Variants in STS observed in about 807,000 individuals in gnomAD.
STS encodes the protein steryl-sulfatase.
In STS, 7 loss-of-function variants were observed where a neutral mutation model predicts 26.8. That is an observed-to-expected ratio of 0.26 (90% CI 0.15 to 0.49). STS has a LOEUF of 0.49. Among genes scored for constraint, STS ranks in the 20% least tolerant of loss-of-function variants. The pLI is 0.98. For synonymous variants in STS, 199 were observed against 189.4 expected (o/e 1.05, Z -0.42); for missense variants, 434 against 465.6 (o/e 0.93, Z 0.63).
chrX:7,262,849 T>C (rs1923813091), intron 6 of STS, among the ~76,000 whole-genome samples: 1 of 111,875 alleles, frequency 8.9e-6, no homozygotes, highest in Non-Finnish European at 1.9e-5. Flanking sequence ...ACACCAGCCT[T>C]GGAATTTTAA....
chrX:7,215,110 CAT>C (rs201908881), intron 2 of STS, among the ~76,000 whole-genome samples: 76 of 79,187 alleles, frequency 9.6e-4, no homozygotes, highest in South Asian at 9.0e-3. Context: ...TATATATACA[CAT>C]ATATACACAC....
intron 7 of STS, among the ~76,000 whole-genome samples, chrX:7,299,156 A>G (rs1342094223): frequency 1.0e-5 from 1 of 96,014 alleles, no homozygotes; most frequent in African/African-American, 3.8e-5. Flanking sequence ...TATAAATTGT[A>G]TAATTAAAAT....
chrX:7,301,658 C>G (rs1322803481), intron 7 of STS, among the ~76,000 whole-genome samples: 1 of 111,314 alleles, frequency 9.0e-6, no homozygotes, highest in African/African-American at 3.3e-5. Context: ...TCCACAATTA[C>G]AGGATCATAC....
At chrX:7,148,105 C>G in intron 1 of STS, 22 bp downstream of exon 1, 1 of 1,130,739 alleles carries the variant, frequency 8.8e-7, no homozygotes, top group Middle Eastern at 2.4e-4. Context: ...GCTGCGGGGG[C>G]GCCGCCATGG....
rs1254714783 is a variant in STS, at chrX:7,276,004, C to T, written c.860C>T (p.Ala287Val). The stretch of plus-strand genomic sequence containing the variant: ...TTGTCCTACCTCCACGTGCACACAG[C>T]CCTGTTCTCCAGCAAAGACTTTGCT... ...LVLSYLHVHT[A>V]LFSSKDFAGK... The change falls in exon 7 of 11, where the codon GCC (alanine) becomes GTC (valine). Residue 287 changes from alanine (A) to valine (V), a missense_variant. Physicochemically the swap from Ala to Val is moderately conservative, Grantham distance 64. This residue lies in a region of STS where 229 missense variants were observed against 288.3 expected (regional missense o/e 0.79). Coordinates refer to ENST00000674429, the MANE Select transcript of STS (RefSeq NM_001320752.2). The T allele has an allele frequency of 8.3e-7, 1 of 1,204,843 alleles. No homozygotes were observed. The highest frequency in any genetic ancestry group is 2.2e-5 in the Admixed American group (1 of 45,289).
chrX:7,178,937 C>A (rs1212138239), intron 1 of STS, among the ~76,000 whole-genome samples: 1 of 107,997 alleles, frequency 9.3e-6, no homozygotes, highest in African/African-American at 3.4e-5. Flanking sequence ...TTTCTCTAGT[C>A]CTCATGAAAG....
At chrX:7,180,360 A>G (rs1250003653) in intron 1 of STS, among the ~76,000 whole-genome samples, 2 of 111,841 alleles carry the variant, frequency 1.8e-5, no homozygotes, top group Non-Finnish European at 3.8e-5. Context: ...ACAGTTCAAA[A>G]TAGGGTTCAC....
rs1160077120 is a variant in STS at position 7,190,990 on chromosome X, G to A, written c.-23G>A. 2.7e-6 allele frequency: 2 copies of A among 751,480 alleles called. No homozygotes were observed. Among genetic ancestry groups the A allele is most frequent in the African/African-American group, 4.7e-5 (2 of 42,881 alleles). 61.9% of individuals were successfully genotyped at this position (751,480 alleles called of 1,213,427 possible). On this transcript the variant is annotated 5_prime_UTR_variant, in exon 2 of 11. Transcript: ENST00000674429. ...TTCCTGAGGACAATGGCGCAAGATC[G>A]TCTTCAGCTGTTCATAGCGTAAGTA...
At chrX:7,324,876 C>G (rs1218092596) in intron 8 of STS, among the ~76,000 whole-genome samples, 2 of 111,680 alleles carry the variant, frequency 1.8e-5, no homozygotes, top group African/African-American at 6.5e-5. Flanking sequence ...ATCTCAAAAT[C>G]CTTAGTCACA....
intron 8 of STS, among the ~76,000 whole-genome samples, chrX:7,322,125 T>C (rs769998907): frequency 6.8e-4 from 77 of 112,541 alleles, no homozygotes; most frequent in Non-Finnish European, 9.0e-4. Flanking sequence ...AATGGCTGGA[T>C]GGTTGATGCT....
chrX:7,153,136 C>T (rs1464175477), intron 1 of STS, among the ~76,000 whole-genome samples: 1 of 111,764 alleles, frequency 8.9e-6, no homozygotes, highest in Admixed American at 9.4e-5. Flanking sequence ...GCTCAGGCTT[C>T]ATCACACCCC....
intron 1 of STS, among the ~76,000 whole-genome samples, chrX:7,169,199 A>G (rs1370902307): frequency 2.7e-5 from 3 of 110,823 alleles, no homozygotes; most frequent in Non-Finnish European, 5.7e-5. Flanking sequence ...GAATTTGCCT[A>G]TTTTAGACAT....
chrX:7,232,458 T>A (rs1000889215), intron 2 of STS, among the ~76,000 whole-genome samples: 1 of 111,896 alleles, frequency 8.9e-6, no homozygotes, highest in Non-Finnish European at 1.9e-5. Flanking sequence ...CTGTTGCAAT[T>A]TGGGTATTCT....
chrX:7,348,915 C>T (rs1601768575), intron 10 of STS, among the ~76,000 whole-genome samples: 1 of 111,631 alleles, frequency 9.0e-6, no homozygotes, highest in East Asian at 2.8e-4. Context: ...GTAATCCCTC[C>T]TCACCATCAC....
At chrX:7,336,579 T>C (rs977884400) in intron 10 of STS, among the ~76,000 whole-genome samples, 90 of 112,028 alleles carry the variant, frequency 8.0e-4, no homozygotes, top group African/African-American at 2.8e-3. Flanking sequence ...AGCATTTTAT[T>C]CACATATCTC....
chrX:7,350,342 A>G lies in STS; in HGVS notation c.*81A>G. On this transcript the variant is annotated 3_prime_UTR_variant, in exon 11 of 11. Transcript: ENST00000674429. The stretch of plus-strand genomic sequence containing the variant: ...ACACGCCTGAGAGTGGCACTGGGGA[A>G]ACATAACTCCATCTACACCTTGGAT... 1 of 1,114,754 alleles carries G rather than the reference A, an allele frequency of 9.0e-7. No homozygotes were observed. The highest frequency in any genetic ancestry group is 1.2e-6 in the Non-Finnish European group (1 of 834,273). The allele number at this position is 1,114,754 out of a possible 1,213,427, so 91.9% of individuals were successfully genotyped here. A position where few individuals can be genotyped will look rare whatever the true frequency, so the allele number is the denominator to read the frequency against.
intron 7 of STS, among the ~76,000 whole-genome samples, chrX:7,276,700 G>C (rs1924555561): frequency 8.9e-6 from 1 of 111,976 alleles, no homozygotes; most frequent in African/African-American, 3.2e-5. Context: ...CCTGCAGCTG[G>C]CTACAGCCTT....
intron 8 of STS, among the ~76,000 whole-genome samples, chrX:7,310,572 C>T (rs1286148915): frequency 9.0e-6 from 1 of 111,709 alleles, no homozygotes. Context: ...CCACCCCTAG[C>T]TTCACTTTTC....
chrX:7,289,614 A>T (rs1056056160), intron 7 of STS, among the ~76,000 whole-genome samples: 2 of 111,471 alleles, frequency 1.8e-5, no homozygotes, highest in Non-Finnish European at 3.8e-5. Flanking sequence ...GTGTACAGCC[A>T]TGTCCCCCAC....
Sources: allele counts gnomAD v4.1 joint callset (sites outside exome capture counted in the v4.1 genomes callset), GRCh38; gene constraint gnomAD v4.1.1; regional missense constraint gnomAD v4.1.1; transcripts MANE v1.5; gene names NCBI Gene and HGNC (gene_info 2026-07-23, HGNC 2026-07-21).